Variants in MAP3K6 observed in about 807,000 individuals in gnomAD.
MAP3K6 encodes apoptosis signal-regulating kinase 2.
Under a neutral mutation model 147.1 loss-of-function variants are expected in MAP3K6, and 105 were observed. The ratio of observed to expected loss-of-function variants is 0.71; its 90% CI spans 0.61 to 0.84. The LOEUF (loss-of-function observed/expected upper bound fraction) is 0.84, where lower values mean the gene tolerates loss of function less well. Ranked by LOEUF, MAP3K6 falls within the 40% of genes least tolerant of loss-of-function variation. MAP3K6 has a pLI of 0.00. For synonymous variants in MAP3K6, 695 were observed against 732.4 expected (o/e 0.95, Z 0.82); for missense variants, 1,569 against 1,715.0 (o/e 0.91, Z 1.50).
In MAP3K6 at chr1:27,359,867, C is replaced by T; in HGVS notation, c.2310G>A (p.Arg770=). The change falls in exon 17 of 29, where the codon AGG becomes AGA. Residue 770 remains arginine (R), a synonymous_variant. Coordinates refer to ENST00000357582, the MANE Select transcript of MAP3K6 (RefSeq NM_004672.5). The surrounding 1 kb of genome is among the most constrained non-coding windows in gnomAD (Gnocchi z 4.4). ...CAGCCCCAGGGCTTACTTTTATGTC[C>T]CTGTGCACGATGTGGTTGTCGTGCA... ...GYLHDNHIVH[R]DIKGDNVLIN... 6.2e-7 allele frequency: 1 copy of T among 1,614,124 alleles called. No homozygotes were observed. Among genetic ancestry groups the T allele is most frequent in the Non-Finnish European group, 8.5e-7 (1 of 1,180,012 alleles).
At position 27,364,094 on chromosome 1, in the gene MAP3K6, C is replaced by T; in HGVS notation, c.696-9G>A. On this transcript the variant is annotated splice_polypyrimidine_tract_variant and intron_variant, in intron 4 of 28. Coordinates refer to ENST00000357582, the MANE Select transcript of MAP3K6 (RefSeq NM_004672.5). The surrounding 1 kb of genome is among the most constrained non-coding windows in gnomAD (Gnocchi z 4.4). ...TCTCCCGGAAATAGCCACTGATGCC[C>T]AGGGTAGGGGAGGCAGGGAGAGAGA... The T allele has an allele frequency of 1.2e-6, 2 of 1,610,624 alleles. No individual in the cohort carries two copies. The highest frequency in any genetic ancestry group is 1.3e-5 in the African/African-American group (1 of 75,060).
In MAP3K6 at chr1:27,356,045, T is replaced by C; in HGVS notation, c.3692A>G (p.Asp1231Gly). 1 of 1,614,108 alleles carries C rather than the reference T, an allele frequency of 6.2e-7. No homozygotes were observed. The highest frequency in any genetic ancestry group is 8.5e-7 in the Non-Finnish European group (1 of 1,180,016). Residue 1231 changes from aspartate (D) to glycine (G), a missense_variant, in exon 27 of 29, where the codon GAT becomes GGT. By Grantham distance (94) the Asp-to-Gly change is moderately conservative. Transcript: ENST00000357582. ...LVQWLQELNV[D>G]SGTIQMLLNH... Reference sequence around the variant, plus strand: ...ACTCACCATTTGGATGGTGCCTGAATCCACATTCAGTTCCTGTAGCCACTG... The same window carrying C: ...ACTCACCATTTGGATGGTGCCTGAACCCACATTCAGTTCCTGTAGCCACTG...
Position 27,362,973 on chromosome 1 carries a change from C to A in MAP3K6, c.1020G>T (p.Pro340=), listed in dbSNP as rs757963307. Residue 340 remains proline, a synonymous_variant, in exon 7 of 29, where the codon CCG becomes CCT. Transcript: ENST00000357582. ...CCACAGAGCCCTCAAGCTGTACCAG[C>A]GGCAGCAGCACAGACAGGGCCTTCG... The part of the protein sequence containing the change: ...DRAKALSVLL[P]LVQLEGSVAP... The A allele has an allele frequency of 6.2e-7, 1 of 1,613,924 alleles. No homozygotes were observed. The highest frequency in any genetic ancestry group is 1.3e-5 in the African/African-American group (1 of 74,944).
chr1:27,363,330 C>G lies in MAP3K6; in HGVS notation c.971+112G>C, dbSNP rs57821529. 5.0e-3 allele frequency: 4,499 copies of G among 891,462 alleles called. 128 individuals carry two copies. In the African/African-American group the frequency reaches 0.067, roughly 13 times the overall value. The allele number at this position is 891,462 out of a possible 1,614,324, so 55.2% of individuals were successfully genotyped here. On this transcript the variant is annotated intron_variant, in intron 6 of 28. Transcript: ENST00000357582. ...ACCTATTGACATCAGTGACCCCGGT[C>G]AGCAAATTCCCCGAACAGCAGTGAT...
rs1282714805 is a variant in MAP3K6, at chr1:27,358,582, C to T, written c.2613G>A (p.Met871Ile). The T allele has an allele frequency of 1.9e-6, 3 of 1,613,306 alleles. No homozygotes were observed. The highest frequency in any genetic ancestry group is 1.6e-4 in the Middle Eastern group (1 of 6,076). The stretch of plus-strand genomic sequence containing the variant: ...GGGCCTCGGCCGACAGAGAGCTGGG[C>T]ATTGGCGGATGGACCTTGTACATAC... ...QVGMYKVHPP[M>I]PSSLSAEAQA... The change falls in exon 20 of 29, where the codon ATG becomes ATA. Residue 871 changes from methionine to isoleucine, a missense_variant. Coordinates refer to ENST00000357582, the MANE Select transcript of MAP3K6 (RefSeq NM_004672.5). The surrounding 1 kb of genome is among the most constrained non-coding windows in gnomAD (Gnocchi z 6.2).
In MAP3K6 at chr1:27,358,441, T is replaced by G. The variant is rs751981431; in HGVS notation, c.2754A>C (p.Pro918=). 1 of 1,593,890 alleles carries G rather than the reference T, an allele frequency of 6.3e-7. No individual in the cohort carries two copies. Among genetic ancestry groups the G allele is most frequent in the Non-Finnish European group, 8.5e-7 (1 of 1,173,962 alleles). The part of the protein sequence containing the change: ...PGKRSRSPSS[P]RHAPRPSDAP... Reference sequence around the variant, plus strand: ...CACCTGAGGGCCGTGGAGCATGTCGTGGGGAGCTGGGGCTGCGGCTCCTTT... The same window carrying G: ...CACCTGAGGGCCGTGGAGCATGTCGGGGGGAGCTGGGGCTGCGGCTCCTTT... Residue 918 remains proline, a synonymous_variant, in exon 20 of 29, where the codon CCA becomes CCC. Transcript: ENST00000357582. The surrounding 1 kb of genome is among the most constrained non-coding windows in gnomAD (Gnocchi z 6.2).
In MAP3K6 at chr1:27,356,463, G is replaced by A. The variant is rs773406537; in HGVS notation, c.3562C>T (p.Gln1188Ter). The A allele has an allele frequency of 2.2e-5, 36 of 1,613,836 alleles. No homozygotes were observed. Among genetic ancestry groups the A allele is most frequent in the Non-Finnish European group, 2.8e-5 (33 of 1,180,002 alleles). ...TGTAGAGCCCGCTGCACCAGGGCCT[G>A]GTACTCCCGTTCCTTCCCCGCCAGG... ...EILAGKEREY[Q>*]ALVQRALQRL... is the part of the protein sequence containing the mutation. Residue 1188 changes from glutamine (Q) to a stop codon, truncating the protein, a stop_gained, in exon 26 of 29, where the codon CAG (glutamine) becomes TAG (stop). Transcript: ENST00000357582. LOFTEE classifies it high-confidence loss of function.
Position 27,360,764 on chromosome 1 carries a change from G to T in MAP3K6, c.1995C>A (p.Gly665=), listed in dbSNP as rs1193198106. Residue 665 remains glycine, a synonymous_variant, in exon 15 of 29, where the codon GGC becomes GGA. Transcript: ENST00000357582. The surrounding 1 kb of genome is among the most constrained non-coding windows in gnomAD (Gnocchi z 4.5). The stretch of plus-strand genomic sequence containing the variant: ...TGCGCACCCTCGTGTGGCGATCGCG[G>T]CCCGCGTACACCACCCCATACGTGC... ...GKGTYGVVYA[G]RDRHTRVRIA... 2.2e-5 allele frequency: 36 copies of T among 1,612,534 alleles called. No homozygotes were observed. Among genetic ancestry groups the T allele is most frequent in the Non-Finnish European group, 2.9e-5 (34 of 1,179,862 alleles).
intron 22 of MAP3K6, 22 bp from the exon 23 acceptor site, chr1:27,357,598 G>T (rs1254760716): frequency 5.0e-6 from 8 of 1,598,566 alleles, no homozygotes; most frequent in African/African-American, 2.7e-5. Context: ...GAGAGGGGTT[G>T]TCAGCGAGTG....
chr1:27,364,774 C>G lies in MAP3K6; in HGVS notation c.479G>C (p.Arg160Pro). ...QADLPDLQAL[R>P]EDVFQKNSDC... ...CTCCACCAGCCCCAGGCCACCTACC[C>G]GCAGGGCCTGCAGGTCAGGGAGGTC... Residue 160 changes from arginine to proline, a missense_variant and splice_region_variant, in exon 2 of 29, where the codon CGG becomes CCG. Coordinates refer to ENST00000357582, the MANE Select transcript of MAP3K6 (RefSeq NM_004672.5). The surrounding 1 kb of genome is among the most constrained non-coding windows in gnomAD (Gnocchi z 4.4). 1.2e-6 allele frequency: 2 copies of G among 1,613,722 alleles called. No individual in the cohort carries two copies. Among genetic ancestry groups the G allele is most frequent in the East Asian group, 2.2e-5 (1 of 44,856 alleles).
Position 27,362,921 on chromosome 1 carries a change from G to T in MAP3K6, c.1072C>A (p.Arg358Ser). The T allele has an allele frequency of 6.2e-7, 1 of 1,614,128 alleles. No individual in the cohort carries two copies. Among genetic ancestry groups the T allele is most frequent in the African/African-American group, 1.3e-5 (1 of 75,046 alleles). Residue 358 changes from arginine (R) to serine (S), a missense_variant, in exon 7 of 29, where the codon CGT becomes AGT. By Grantham distance (110) the Arg-to-Ser change is moderately radical. Transcript: ENST00000357582. Reference sequence around the variant, plus strand: ...CTGAAGAACATGTCCTTGTAGATACGGCCACACATGCAGTACAGATCGGGC... The same window carrying T: ...CTGAAGAACATGTCCTTGTAGATACTGCCACACATGCAGTACAGATCGGGC... ...VAPDLYCMCG[R>S]IYKDMFFSSG... is the part of the protein sequence containing the mutation.
chr1:27,358,611 C>T lies in MAP3K6; in HGVS notation c.2584G>A (p.Val862Met). The part of the protein sequence containing the change: ...LGSPQAAMFQ[V>M]GMYKVHPPMP... The stretch of plus-strand genomic sequence containing the variant: ...GGCGGATGGACCTTGTACATACCCA[C>T]CTGTGGGGGGAGGGTGAACAAGGGT... The change falls in exon 20 of 29, where the codon GTG becomes ATG. Residue 862 changes from valine (V) to methionine (M), a missense_variant and splice_region_variant. Coordinates refer to ENST00000357582, the MANE Select transcript of MAP3K6 (RefSeq NM_004672.5). This position sits in a 1 kb window ranked among gnomAD's most constrained non-coding sequence, Gnocchi z 6.2. 6.2e-7 allele frequency: 1 copy of T among 1,613,608 alleles called. No homozygotes were observed. Among genetic ancestry groups the T allele is most frequent in the Non-Finnish European group, 8.5e-7 (1 of 1,179,828 alleles).
chr1:27,358,490 C>T lies in MAP3K6; in HGVS notation c.2705G>A (p.Gly902Glu). ...TTTCCCAGGCTGCAGGAAGGGGTCC[C>T]CCAGCAGTGTCTGGGCGCTGGCTCG... Reference protein sequence around the residue: ...RLRASAQTLLGDPFLQPGKRS... With the variant: ...RLRASAQTLLEDPFLQPGKRS... Residue 902 changes from glycine to glutamate, a missense_variant, in exon 20 of 29, where the codon GGG (glycine) becomes GAG (glutamate). Transcript: ENST00000357582. This position sits in a 1 kb window ranked among gnomAD's most constrained non-coding sequence, Gnocchi z 6.2. The T allele has an allele frequency of 3.1e-6, 5 of 1,603,160 alleles. No homozygotes were observed. The African/African-American group carries it at 4.0e-5, about 13-fold the overall frequency.
intron 9 of MAP3K6, 94 bp from the exon 10 acceptor site, chr1:27,361,961 T>C (rs2015791789): frequency 6.7e-7 from 1 of 1,501,838 alleles, no homozygotes; most frequent in Non-Finnish European, 8.9e-7. Flanking sequence ...AACGTTGGCA[T>C]GGGGTGCCAC....
rs747112119 is a variant in MAP3K6 at position 27,364,954 on chromosome 1, C to T, written c.341-42G>A. ...GGTGGCGCTGATCCCTGAAGCCCAG[C>T]TTGATGGGGAAGGAGCCGGGGTCCA... On this transcript the variant is annotated intron_variant, in intron 1 of 28. Coordinates refer to ENST00000357582, the MANE Select transcript of MAP3K6 (RefSeq NM_004672.5). This position sits in a 1 kb window ranked among gnomAD's most constrained non-coding sequence, Gnocchi z 4.4. 4 of 1,538,926 alleles carry T rather than the reference C, an allele frequency of 2.6e-6. No homozygotes were observed. The African/African-American group carries it at 5.5e-5, about 21-fold the overall frequency.
chr1:27,364,224 C>A lies in MAP3K6; in HGVS notation c.675G>T (p.Glu225Asp). 1 of 1,612,290 alleles carries A rather than the reference C, an allele frequency of 6.2e-7. No homozygotes were observed. Residue 225 changes from glutamate to aspartate, a missense_variant, in exon 4 of 29, where the codon GAG becomes GAT. Glu to Asp is a conservative substitution (Grantham distance 45, BLOSUM62 2). Coordinates refer to ENST00000357582, the MANE Select transcript of MAP3K6 (RefSeq NM_004672.5). The surrounding 1 kb of genome is among the most constrained non-coding windows in gnomAD (Gnocchi z 4.4). ...PLVGRLARLL[E>D]ATPTDSCGYF... ...ATTACCAAGAGTCTGTGGGTGTGGC[C>A]TCCAGCAGGCGGGCAAGCCGGCCCA...
At chr1:27,362,600 C>G in intron 8 of MAP3K6, 41 bp downstream of exon 8, 1 of 1,461,136 alleles carries the variant, frequency 6.8e-7, no homozygotes, top group Non-Finnish European at 9.3e-7. Flanking sequence ...CCCCTCGGAA[C>G]CCCTGTGGGT....
Position 27,359,815 on chromosome 1 carries a change from C to G in MAP3K6, c.2319+43G>C, listed in dbSNP as rs368621188. 6 of 1,609,242 alleles carry G rather than the reference C, an allele frequency of 3.7e-6. No homozygotes were observed. The highest frequency in any genetic ancestry group is 1.7e-5 in the Admixed American group (1 of 59,912). On this transcript the variant is annotated intron_variant, in intron 17 of 28. Transcript: ENST00000357582. This position sits in a 1 kb window ranked among gnomAD's most constrained non-coding sequence, Gnocchi z 4.4. ...GCGTCTGGGACCATGTTTCCTTCCCCGCCACCCTCAGCAGATGAGGGCGGG... is the reference window on the plus strand; with the variant it reads ...GCGTCTGGGACCATGTTTCCTTCCCGGCCACCCTCAGCAGATGAGGGCGGG...
In MAP3K6 at chr1:27,361,550, C is replaced by G. The variant is rs370457192; in HGVS notation, c.1656G>C (p.Val552=). 6.2e-7 allele frequency: 1 copy of G among 1,614,062 alleles called. No homozygotes were observed. Among genetic ancestry groups the G allele is most frequent in the African/African-American group, 1.3e-5 (1 of 74,910 alleles). Residue 552 remains valine (V), a synonymous_variant, in exon 11 of 29, where the codon GTG becomes GTC. Transcript: ENST00000357582. ...EVRGTDPVST[V]TLSLLEPETQ... The stretch of plus-strand genomic sequence containing the variant: ...TCTCAGGCTCCAGCAGGCTCAGGGT[C>G]ACTGTGCTTACTGGGTCAGTACCCC...
Sources: gnomAD v4.1 joint callset for allele counts on GRCh38, gnomAD v4.1.1 for gene constraint, Gnocchi (gnomAD v3.1) non-coding constraint, MANE v1.5 for transcripts, NCBI Gene and HGNC (gene_info 2026-07-23, HGNC 2026-07-21) for gene names.